The following CANX variants were observed in gnomAD, a reference collection of about 807,000 sequenced individuals.
The protein encoded by CANX is epididymis secretory sperm binding protein.
Under a neutral mutation model 75.7 loss-of-function variants are expected in CANX, and 14 were observed. The ratio of observed to expected loss-of-function variants is 0.19; its 90% CI spans 0.12 to 0.29. CANX has a LOEUF of 0.29. Ranked by LOEUF, CANX falls within the 10% of genes least tolerant of loss-of-function variation. The pLI, the probability that CANX is intolerant of heterozygous loss-of-function variation, is 1.00. For missense variants in CANX, 567 were observed against 713.2 expected (o/e 0.79, Z 2.34); for synonymous variants, 227 against 236.9 (o/e 0.96, Z 0.38).
intron 1 of CANX, among the ~76,000 whole-genome samples, chr5:179,679,456 A>T (rs1312508595): frequency 6.6e-6 from 1 of 152,152 alleles, no homozygotes; most frequent in Admixed American, 6.6e-5. Flanking sequence ...CCCAAAGACC[A>T]CTGAGGATCA....
At chr5:179,698,575 C>T, upstream of CANX, 2 of 1,289,388 alleles carry the variant, frequency 1.6e-6, no homozygotes, top group Non-Finnish European at 2.0e-6. Flanking sequence ...CGCGATGCGT[C>T]CCAAGTCTCG....
chr5:179,712,916 T>TA (rs201133901), intron 7 of CANX, among the ~76,000 whole-genome samples: 12 of 73,062 alleles, frequency 1.6e-4, no homozygotes, highest in East Asian at 5.9e-4. Context: ...TTATTATTAT[T>TA]TTTTTTTTTT....
intron 7 of CANX, among the ~76,000 whole-genome samples, chr5:179,712,704 G>A (rs1047417046): frequency 6.7e-6 from 1 of 148,904 alleles, no homozygotes; most frequent in African/African-American, 2.5e-5. Context: ...GGTTATAGGC[G>A]TGAGCCACCG....
intron 11 of CANX, 72 bp downstream of exon 11, chr5:179,723,091 A>G: frequency 3.7e-6 from 5 of 1,358,026 alleles, no homozygotes; most frequent in Non-Finnish European, 5.2e-6. Context: ...GTCTGTGTTA[A>G]GGTTTTTTTT....
At chr5:179,680,048 G>A (rs1408542058) in intron 1 of CANX, among the ~76,000 whole-genome samples, 1 of 145,622 alleles carries the variant, frequency 6.9e-6, no homozygotes, top group Non-Finnish European at 1.5e-5. Flanking sequence ...CCGGACCTCA[G>A]GTGATCTGCC....
chr5:179,719,709 C>T lies in CANX; in HGVS notation c.953C>T (p.Thr318Ile), dbSNP rs1778184100. 6.2e-7 allele frequency: 1 copy of T among 1,613,056 alleles called. No homozygotes were observed. Among genetic ancestry groups the T allele is most frequent in the African/African-American group, 1.3e-5 (1 of 74,904 alleles). The change falls in exon 9 of 15, where the codon ACA becomes ATA. Residue 318 changes from threonine to isoleucine, a missense_variant. This residue lies in a region of CANX where 351 missense variants were observed against 433.8 expected (regional missense o/e 0.81). Transcript: ENST00000247461. The stretch of plus-strand genomic sequence containing the variant: ...GCTAAGATTCCAGATGAAGAGGCCA[C>T]AAAACCCGAAGGCTGGTTAGATGAT... Reference protein sequence around the residue: ...APAKIPDEEATKPEGWLDDEP... With the variant: ...APAKIPDEEAIKPEGWLDDEP...
At chr5:179,685,711 C>T (rs1456373225) in intron 1 of CANX, among the ~76,000 whole-genome samples, 5 of 137,052 alleles carry the variant, frequency 3.6e-5, no homozygotes, top group African/African-American at 1.0e-4. Flanking sequence ...GCTGCCACCA[C>T]GCCCAGCTAA....
upstream of CANX, chr5:179,694,388 T>C (rs1035667628): frequency 6.6e-6 from 4 of 607,508 alleles, no homozygotes; most frequent in East Asian, 1.1e-4. Flanking sequence ...CAAAGACGGA[T>C]AAAGTGCACT....
chr5:179,728,356 T>C (rs796537834), intron 14 of CANX, among the ~76,000 whole-genome samples: 6 of 152,218 alleles, frequency 3.9e-5, no homozygotes, highest in African/African-American at 1.4e-4. Flanking sequence ...TGTTTATGGG[T>C]TAGATTGAGA....
At chr5:179,725,180 C>T (rs950510718) in intron 13 of CANX, among the ~76,000 whole-genome samples, 1 of 152,008 alleles carries the variant, frequency 6.6e-6, no homozygotes, top group Non-Finnish European at 1.5e-5. Context: ...CATGCGCTAC[C>T]ATGCTCAGCT....
chr5:179,694,449 C>A (rs1776354665), upstream of CANX: 3 of 694,000 alleles, frequency 4.3e-6, no homozygotes, highest in East Asian at 5.0e-5. Context: ...GAAGAAGGAT[C>A]CTAGTGCCCC....
rs1776177353 is a variant in CANX, at chr5:179,685,594, G to A, written c.-4+6817G>A. 3.6e-5 allele frequency among the ~76,000 whole-genome samples: 4 copies of A among 111,232 alleles called. No homozygotes were observed. The South Asian group carries it at 9.2e-4, about 26-fold the overall frequency. The allele number at this position is 111,232 out of a possible 152,430, so 73.0% of individuals were successfully genotyped here. On this transcript the variant is annotated intron_variant, in intron 1 of 14. Coordinates refer to the CANX transcript ENST00000681674. ...TTTGAGATGGAGTTTCGCTCTTGTT[G>A]CCCAGGCTGGAGTGCAGTGGCGTGA...
At position 179,705,805 on chromosome 5, in the gene CANX, G is replaced by T; in HGVS notation, c.124G>T (p.Val42Leu). 6.2e-7 allele frequency: 1 copy of T among 1,613,414 alleles called. No homozygotes were observed. Among genetic ancestry groups the T allele is most frequent in the Non-Finnish European group, 8.5e-7 (1 of 1,179,402 alleles). Reference sequence around the variant, plus strand: ...TGACCTTGACGATGTCATTGAAGAGGTAGAAGACTCAAAACCAGATACCAC... The same window carrying T: ...TGACCTTGACGATGTCATTGAAGAGTTAGAAGACTCAAAACCAGATACCAC... ...EDDLDDVIEE[V>L]EDSKPDTTAP... The change falls in exon 2 of 15, where the codon GTA becomes TTA. Residue 42 changes from valine to leucine, a missense_variant. Transcript: ENST00000247461.
chr5:179,702,188 C>T (rs528040225), intron 1 of CANX, among the ~76,000 whole-genome samples: 5 of 151,856 alleles, frequency 3.3e-5, no homozygotes, highest in African/African-American at 1.2e-4. Context: ...GATCCACAGG[C>T]GGATGACGCT....
chr5:179,709,971 C>G lies in CANX; in HGVS notation c.627C>G (p.Pro209=). The G allele has an allele frequency of 6.2e-7, 1 of 1,612,706 alleles. No homozygotes were observed. The highest frequency in any genetic ancestry group is 8.5e-7 in the Non-Finnish European group (1 of 1,178,892). The change falls in exon 7 of 15, where the codon CCC becomes CCG. Residue 209 remains proline (P), a synonymous_variant. Coordinates refer to ENST00000247461, the MANE Select transcript of CANX (RefSeq NM_001746.4). ...ACTTCATCTTCCGACACAAAAACCC[C>G]AAAACGGGTATCTATGAAGAAAAAC... is the stretch of plus-strand genomic sequence containing the variant. ...KLHFIFRHKN[P]KTGIYEEKHA...
chr5:179,712,796 C>T (rs891907055), intron 7 of CANX, among the ~76,000 whole-genome samples: 1 of 150,576 alleles, frequency 6.6e-6, no homozygotes, highest in African/African-American at 2.4e-5. Flanking sequence ...TGATCTTGGC[C>T]TACTGTGACG....
In CANX at chr5:179,730,868, A is replaced by G. The variant is rs1304545102; in HGVS notation, c.*2224A>G. ...TTTTCTTATCCACAAAGTACTCCTC[A>G]CTTTTCAATTTGTCATGTTACTAAA... On this transcript the variant is annotated 3_prime_UTR_variant, in exon 15 of 15. Transcript: ENST00000247461. The G allele has an allele frequency of 6.6e-6, 1 of 152,078 alleles. No individual in the cohort carries two copies. The highest frequency in any genetic ancestry group is 1.5e-5 in the Non-Finnish European group (1 of 68,028). 9.4% of individuals were successfully genotyped at this position (152,078 alleles called of 1,614,324 possible).
At chr5:179,714,034 T>C (rs1288430385) in intron 7 of CANX, among the ~76,000 whole-genome samples, 2 of 152,056 alleles carry the variant, frequency 1.3e-5, no homozygotes, top group Non-Finnish European at 2.9e-5. Flanking sequence ...AGTCTCTCTC[T>C]GTTGCCCAGG....
At chr5:179,695,078 C>A (rs1248771497), upstream of CANX, among the ~76,000 whole-genome samples, 1 of 76,212 alleles carries the variant, frequency 1.3e-5, no homozygotes, top group East Asian at 4.2e-4. Flanking sequence ...GAGACGGAAT[C>A]TTGCTCTGTC....
Sources: gnomAD v4.1 joint callset for allele counts (sites outside exome capture counted in the v4.1 genomes callset) on GRCh38, gnomAD v4.1.1 for gene constraint, gnomAD v4.1.1 regional missense constraint, MANE v1.5 for transcripts, NCBI Gene and HGNC (gene_info 2026-07-23, HGNC 2026-07-21) for gene names.